Variants in ADGRG6 observed in about 807,000 individuals in gnomAD.
ADGRG6 encodes the protein G-protein coupled receptor 126.
A neutral mutation model predicts 142.4 loss-of-function variants in ADGRG6; 84 were observed. That is an observed-to-expected ratio of 0.59 (90% CI 0.49 to 0.71). The LOEUF is 0.71. Among genes scored for constraint, ADGRG6 ranks in the 30% least tolerant of loss-of-function variants. The probability of loss-of-function intolerance (pLI) is 0.00; values close to 1 mark genes in which losing one functional copy is unlikely to be tolerated. For missense variants in ADGRG6, 1,367 were observed against 1,466.6 expected, an observed-to-expected ratio of 0.93 and a Z score of 1.11; for synonymous variants, 521 against 520.5, an observed-to-expected ratio of 1.00 and a Z score of -0.01.
In ADGRG6 at chr6:142,443,727, G is replaced by C. The variant is rs528761632; in HGVS notation, c.*212G>C. On this transcript the variant is annotated 3_prime_UTR_variant, in exon 25 of 25. Coordinates refer to ENST00000367609, the MANE Select transcript of ADGRG6 (RefSeq NM_198569.3). ...GTCATCACTAAAACTTCAGTACTGA[G>C]AGTAACATGACTCAGTAGCCACAGA... 1 of 431,918 alleles carries C rather than the reference G, an allele frequency of 2.3e-6. No individual in the cohort carries two copies. The highest frequency in any genetic ancestry group is 2.0e-5 in the African/African-American group (1 of 48,852). 26.8% of individuals were successfully genotyped at this position (431,918 alleles called of 1,614,324 possible).
chr6:142,352,542 G>T (rs938929680), intron 2 of ADGRG6, among the ~76,000 whole-genome samples: 1 of 152,024 alleles, frequency 6.6e-6, no homozygotes, highest in African/African-American at 2.4e-5. Context: ...GTGACGATTT[G>T]TACCCCAAGC....
intron 7 of ADGRG6, among the ~76,000 whole-genome samples, chr6:142,391,556 G>T (rs1211958896): frequency 6.6e-6 from 1 of 151,054 alleles, no homozygotes; most frequent in Non-Finnish European, 1.5e-5. Flanking sequence ...TTAAAAAAAA[G>T]TTGACCATAG....
intron 17 of ADGRG6, among the ~76,000 whole-genome samples, chr6:142,410,734 CTTTAT>C (rs2115051607): frequency 6.6e-6 from 1 of 152,184 alleles, no homozygotes; most frequent in South Asian, 2.1e-4. Flanking sequence ...AAAAGTATCA[CTTTAT>C]TATCTTAAAA....
intron 3 of ADGRG6, 32 bp from the exon 4 acceptor site, chr6:142,370,138 A>C (rs201124046): frequency 6.4e-7 from 1 of 1,554,254 alleles, no homozygotes; most frequent in Non-Finnish European, 8.7e-7. Flanking sequence ...TGAAGTTAAC[A>C]GGTTTATCTT....
chr6:142,397,845 T>G, intron 10 of ADGRG6, 90 bp downstream of exon 10: 1 of 792,610 alleles, frequency 1.3e-6, no homozygotes, highest in Non-Finnish European at 1.9e-6. Context: ...CTTTATGCGC[T>G]ATTTGTTTAT....
At position 142,417,186 on chromosome 6, in the gene ADGRG6, A is replaced by T. The variant is rs79312879; in HGVS notation, c.2939-87A>T. On this transcript the variant is annotated intron_variant, in intron 20 of 24. Coordinates refer to ENST00000367609, the MANE Select transcript of ADGRG6 (RefSeq NM_198569.3). ...GCTTGCTTGCATTTCTCTTCTTTTC[A>T]TTTCTTTTCTTTACATTTCATTAGC... is the stretch of plus-strand genomic sequence containing the variant. 4.4e-5 allele frequency: 32 copies of T among 732,192 alleles called. No homozygotes were observed. The highest frequency in any genetic ancestry group is 8.4e-5 in the Admixed American group (4 of 47,434). The allele number at this position is 732,192 out of a possible 1,614,324, so 45.4% of individuals were successfully genotyped here.
At chr6:142,419,697 A>C in intron 21 of ADGRG6, 124 bp from the exon 22 acceptor site, 2 of 673,282 alleles carry the variant, frequency 3.0e-6, no homozygotes, top group Non-Finnish European at 5.0e-6. Flanking sequence ...CAAGGAAGTA[A>C]AGTGGCTTTC....
At chr6:142,425,890 A>G (rs1269342660) in intron 22 of ADGRG6, among the ~76,000 whole-genome samples, 1 of 151,478 alleles carries the variant, frequency 6.6e-6, no homozygotes, top group Non-Finnish European at 1.5e-5. Flanking sequence ...GTGCAGAAAA[A>G]CTCCCATTTT....
Position 142,431,845 on chromosome 6 carries a change from C to G in ADGRG6, c.3320-5589C>G, listed in dbSNP as rs575566059. On this transcript the variant is annotated intron_variant, in intron 22 of 24. Transcript: ENST00000367609. ...GATTGAGGCAGGAGAATTGCTTGAACCCAGGGGGCAGAGGTTGCAGTGAGC... is the reference window on the plus strand; with the variant it reads ...GATTGAGGCAGGAGAATTGCTTGAAGCCAGGGGGCAGAGGTTGCAGTGAGC... Among the ~76,000 whole-genome samples, 3 of 152,158 alleles carry G rather than the reference C, an allele frequency of 2.0e-5. No individual in the cohort carries two copies. The East Asian group carries it at 5.8e-4, about 29-fold the overall frequency.
At chr6:142,356,012 G>T (rs764496239) in intron 2 of ADGRG6, among the ~76,000 whole-genome samples, 1 of 152,196 alleles carries the variant, frequency 6.6e-6, no homozygotes, top group Non-Finnish European at 1.5e-5. Flanking sequence ...GCTGTCTCTT[G>T]TACATAACCT....
At chr6:142,336,806 T>C (rs1026869924) in intron 2 of ADGRG6, among the ~76,000 whole-genome samples, 1 of 152,236 alleles carries the variant, frequency 6.6e-6, no homozygotes, top group Non-Finnish European at 1.5e-5. Flanking sequence ...AGAGATCTTA[T>C]AAGTACTCGA....
rs1256394240 is a variant in ADGRG6, at chr6:142,402,639, T to A, written c.1764T>A (p.Ala588=). ...SNCLKEANEV[A]NQILNLTADG... ...TTTTAGAAGAAGCAAATGAAGTTGC[T>A]AACCAGATTTTAAATTTAACTGCTG... is the stretch of plus-strand genomic sequence containing the variant. Residue 588 remains alanine (A), a synonymous_variant, in exon 13 of 25, where the codon GCT becomes GCA. Coordinates refer to ENST00000367609, the MANE Select transcript of ADGRG6 (RefSeq NM_198569.3). 1.3e-6 allele frequency: 2 copies of A among 1,594,108 alleles called. No homozygotes were observed. The highest frequency in any genetic ancestry group is 1.7e-6 in the Non-Finnish European group (2 of 1,165,774).
At chr6:142,338,039 G>GTTTTTTTTTTTC (rs1491479316) in intron 2 of ADGRG6, among the ~76,000 whole-genome samples, 1 of 1,622 alleles carries the variant, frequency 6.2e-4, no homozygotes, top group African/African-American at 1.2e-3. Flanking sequence ...TTTTTTTTTT[G>GTTTTTTTTTTTC]AGACGGAGTC....
chr6:142,385,860 C>T (rs1028276932), intron 6 of ADGRG6, among the ~76,000 whole-genome samples: 7 of 152,058 alleles, frequency 4.6e-5, no homozygotes, highest in Non-Finnish European at 8.8e-5. Flanking sequence ...ATTGATATAA[C>T]ATTAATAATT....
At chr6:142,437,893 T>TAAAAAAAAA (rs34175866) in intron 23 of ADGRG6, among the ~76,000 whole-genome samples, 1 of 140,512 alleles carries the variant, frequency 7.1e-6, no homozygotes, top group African/African-American at 2.6e-5. Flanking sequence ...TTCTCAGTAT[T>TAAAAAAAAA]AAAAAAAAAA....
In ADGRG6 at chr6:142,318,219, A is replaced by ATATTTATATAT. The variant is rs1230889300; in HGVS notation, c.103+8578_103+8579insTTATATATTAT. Among the ~76,000 whole-genome samples, 103 of 38,848 alleles carry ATATTTATATAT rather than the reference A, an allele frequency of 2.7e-3. 3 individuals are homozygous for ATATTTATATAT. The highest frequency in any genetic ancestry group is 9.4e-3 in the African/African-American group (98 of 10,436). The allele number at this position is 38,848 out of a possible 152,430, so 25.5% of individuals were successfully genotyped here. ...TTTATATTATATATATTTATATATT[A>ATATTTATATAT]TATATATTTATATTATATATATTTA... is the stretch of plus-strand genomic sequence containing the variant. On this transcript the variant is annotated intron_variant, in intron 2 of 24. Coordinates refer to ENST00000367609, the MANE Select transcript of ADGRG6 (RefSeq NM_198569.3).
intron 2 of ADGRG6, among the ~76,000 whole-genome samples, chr6:142,335,214 T>C (rs1779255408): frequency 6.6e-6 from 1 of 152,192 alleles, no homozygotes; most frequent in Admixed American, 6.5e-5. Flanking sequence ...CAGGTTTAGA[T>C]GTTTGGTTTT....
intron 8 of ADGRG6, among the ~76,000 whole-genome samples, 189 bp downstream of exon 8, chr6:142,393,189 A>G (rs1471770667): frequency 1.3e-5 from 2 of 152,162 alleles, no homozygotes; most frequent in Non-Finnish European, 2.9e-5. Context: ...ATGGTTTTAA[A>G]CTGTTTTGAT....
chr6:142,418,309 A>C (rs1160796944), intron 21 of ADGRG6, among the ~76,000 whole-genome samples: 1 of 151,190 alleles, frequency 6.6e-6, no homozygotes, highest in Non-Finnish European at 1.5e-5. Context: ...AAAAAAAAAA[A>C]AAAAAAAAAC....
Sources: allele counts gnomAD v4.1 joint callset (sites outside exome capture counted in the v4.1 genomes callset), GRCh38; gene constraint gnomAD v4.1.1; transcripts MANE v1.5; gene names NCBI Gene and HGNC (gene_info 2026-07-23, HGNC 2026-07-21).